The following PRR16 variants were observed in gnomAD, a reference collection of about 807,000 sequenced individuals.
PRR16 encodes the protein proline rich 16, also known as protein Largen.
A neutral mutation model predicts 18.2 loss-of-function variants in PRR16; 6 were observed. The observed-to-expected ratio is 0.33, with a 90% CI of 0.18 to 0.65. PRR16 has a LOEUF of 0.65. Ranked by LOEUF, PRR16 falls within the 30% of genes least tolerant of loss-of-function variation. The pLI, the probability that PRR16 is intolerant of heterozygous loss-of-function variation, is 0.74. For synonymous variants in PRR16, 151 were observed against 147.8 expected, an observed-to-expected ratio of 1.02 and a Z score of -0.16; for missense variants, 412 against 376.6, an observed-to-expected ratio of 1.09 and a Z score of -0.78.
At chr5:120,786,178 A>T in the PRR16 span, among the ~76,000 whole-genome samples, 1 of 151,512 alleles carries the variant, frequency 6.6e-6, no homozygotes, top group Non-Finnish European at 1.5e-5. Context: ...CTGTTTGGTA[A>T]TCTAAATTCC....
chr5:120,567,745 C>T (rs1385486450), intron 1 of PRR16, among the ~76,000 whole-genome samples: 9 of 152,188 alleles, frequency 5.9e-5, no homozygotes, highest in Non-Finnish European at 1.3e-4. Context: ...CCCCTTTGCC[C>T]TTCTGCCATA....
At chr5:120,732,608 G>A in the PRR16 span, among the ~76,000 whole-genome samples, 3 of 152,116 alleles carry the variant, frequency 2.0e-5, no homozygotes, top group African/African-American at 4.8e-5. Context: ...ATGGGGATAG[G>A]TTGTGCCTTT....
At chr5:120,758,482 G>C in the PRR16 span, among the ~76,000 whole-genome samples, 1 of 152,008 alleles carries the variant, frequency 6.6e-6, no homozygotes, top group African/African-American at 2.4e-5. Flanking sequence ...ATATGGTTTC[G>C]CTTTGTGTCC....
chr5:120,547,621 A>G (rs1166088632), intron 1 of PRR16, among the ~76,000 whole-genome samples: 1 of 152,026 alleles, frequency 6.6e-6, no homozygotes, highest in Non-Finnish European at 1.5e-5. Context: ...CATATTGATA[A>G]CAACAAGGTT....
At chr5:120,525,310 A>G (rs1382166428) in intron 1 of PRR16, among the ~76,000 whole-genome samples, 1 of 152,102 alleles carries the variant, frequency 6.6e-6, no homozygotes, top group Non-Finnish European at 1.5e-5. Context: ...TGGACACATT[A>G]TAGCTCCCTA....
chr5:120,755,096 C>T, the PRR16 span, among the ~76,000 whole-genome samples: 2 of 150,544 alleles, frequency 1.3e-5, no homozygotes, highest in African/African-American at 4.9e-5. Flanking sequence ...TGCTTAATGA[C>T]GAGTTAATGG....
chr5:120,524,498 G>C (rs1427105138), intron 1 of PRR16, among the ~76,000 whole-genome samples: 1 of 152,012 alleles, frequency 6.6e-6, no homozygotes, highest in Non-Finnish European at 1.5e-5. Flanking sequence ...TGAATATAGA[G>C]AGTGGAAGAA....
chr5:120,698,912 G>A, the PRR16 span, among the ~76,000 whole-genome samples: 1 of 152,106 alleles, frequency 6.6e-6, no homozygotes, highest in Non-Finnish European at 1.5e-5. Flanking sequence ...AATAAAGGCT[G>A]GTCTGTTATC....
intron 1 of PRR16, among the ~76,000 whole-genome samples, chr5:120,552,840 C>T (rs1752295543): frequency 6.6e-6 from 1 of 151,842 alleles, no homozygotes; most frequent in African/African-American, 2.4e-5. Flanking sequence ...ATTTGGCACA[C>T]ATTTCCTATT....
the PRR16 span, among the ~76,000 whole-genome samples, chr5:120,714,075 T>G: frequency 1.3e-5 from 2 of 152,140 alleles, no homozygotes; most frequent in African/African-American, 4.8e-5. Context: ...AATGTCTTTT[T>G]TTTTAGGAAA....
Position 120,476,991 on chromosome 5 carries a change from T to C in PRR16, c.159+12346T>C, listed in dbSNP as rs145603399. On this transcript the variant is annotated intron_variant, in intron 1 of 1. Transcript: ENST00000407149. ...CAATAGTCAACCTTCAGGCCTAATC[T>C]AGCAGCAGTTGACAGTCTCTTTAAT... Among the ~76,000 whole-genome samples the C allele has an allele frequency of 4.5e-3, 683 of 152,272 alleles. 7 individuals are homozygous for C. Among genetic ancestry groups the C allele is most frequent in the African/African-American group, 0.014 (587 of 41,556 alleles).
At chr5:120,590,192 A>G (rs1425204674) in intron 1 of PRR16, among the ~76,000 whole-genome samples, 1 of 151,980 alleles carries the variant, frequency 6.6e-6, no homozygotes, top group Non-Finnish European at 1.5e-5. Context: ...CCTGATCCCC[A>G]ATCTCTCCCC....
At chr5:120,573,559 G>A (rs537167177) in intron 1 of PRR16, among the ~76,000 whole-genome samples, 12 of 152,184 alleles carry the variant, frequency 7.9e-5, no homozygotes, top group Admixed American at 4.6e-4. Flanking sequence ...GAAAGAGCAC[G>A]GTGAACTTGG....
At chr5:120,650,695 T>C (rs1056383470) in intron 1 of PRR16, among the ~76,000 whole-genome samples, 8 of 152,162 alleles carry the variant, frequency 5.3e-5, no homozygotes, top group Admixed American at 1.3e-4. Context: ...CCATGGTGTA[T>C]ATGTGCCACG....
chr5:120,721,229 A>C, the PRR16 span, among the ~76,000 whole-genome samples: 1 of 152,068 alleles, frequency 6.6e-6, no homozygotes, highest in East Asian at 1.9e-4. Flanking sequence ...CAGTGAACAA[A>C]ACAGAGATTC....
chr5:120,754,292 TATA>T, the PRR16 span, among the ~76,000 whole-genome samples: 1 of 43,072 alleles, frequency 2.3e-5, no homozygotes, highest in Non-Finnish European at 4.1e-5. Flanking sequence ...AAATATATAA[TATA>T]TAATATATAA....
intron 1 of PRR16, among the ~76,000 whole-genome samples, chr5:120,467,172 A>G (rs1323363268): frequency 3.9e-5 from 6 of 152,156 alleles, no homozygotes; most frequent in African/African-American, 1.4e-4. Flanking sequence ...GCTGTACATG[A>G]ATGTTGCTAT....
At chr5:120,628,492 C>T (rs1467100389) in intron 1 of PRR16, among the ~76,000 whole-genome samples, 1 of 151,866 alleles carries the variant, frequency 6.6e-6, no homozygotes, top group African/African-American at 2.4e-5. Context: ...GGCTAGGAAG[C>T]ATATCAATGT....
the PRR16 span, among the ~76,000 whole-genome samples, chr5:120,725,664 A>C: frequency 6.6e-6 from 1 of 152,024 alleles, no homozygotes; most frequent in Non-Finnish European, 1.5e-5. Context: ...GTGACAGAGG[A>C]AAAATATTCT....
Sources: allele counts gnomAD v4.1 joint callset (sites outside exome capture counted in the v4.1 genomes callset), GRCh38; gene constraint gnomAD v4.1.1; transcripts MANE v1.5; gene names NCBI Gene and HGNC (gene_info 2026-07-23, HGNC 2026-07-21).